CHD1L: variants seen among roughly 807,000 people sequenced by gnomAD.
CHD1L encodes ATP-dependent chromatin remodeler CHD1L.
Under a neutral mutation model 115.9 loss-of-function variants are expected in CHD1L, and 118 were observed. The ratio of observed to expected loss-of-function variants is 1.02; its 90% CI spans 0.88 to 1.19. CHD1L has a LOEUF of 1.19. CHD1L is among the 50% of genes most tolerant of loss of function. The probability of loss-of-function intolerance (pLI) is 0.00; values close to 1 mark genes in which losing one functional copy is unlikely to be tolerated. For missense variants in CHD1L, 1,179 were observed against 1,065.3 expected, an observed-to-expected ratio of 1.11 and a Z score of -1.49; for synonymous variants, 411 against 387.1, an observed-to-expected ratio of 1.06 and a Z score of -0.72.
At chr1:147,181,160 G>T in the CHD1L span, among the ~76,000 whole-genome samples, 11 of 152,190 alleles carry the variant, frequency 7.2e-5, no homozygotes, top group Non-Finnish European at 1.3e-4. Flanking sequence ...TGTAGCTATT[G>T]CCCCCTCAAG....
At chr1:147,245,977 A>T (rs1666486364) in intron 1 of CHD1L, among the ~76,000 whole-genome samples, 1 of 152,236 alleles carries the variant, frequency 6.6e-6, no homozygotes, top group Non-Finnish European at 1.5e-5. Flanking sequence ...ACATTGGTAC[A>T]GTCAAGATCC....
rs201881496 is a variant in CHD1L, at chr1:147,278,382, G to A, written c.1540-1644G>A. Among the ~76,000 whole-genome samples, 82 of 151,582 alleles carry A rather than the reference G, an allele frequency of 5.4e-4. No homozygotes were observed. In the South Asian group the frequency reaches 6.9e-3, roughly 13 times the overall value. On this transcript the variant is annotated intron_variant, in intron 14 of 22. Coordinates refer to ENST00000369258, the MANE Select transcript of CHD1L (RefSeq NM_004284.6). ...TGGGACTACAGGCGCGCACCACCAC[G>A]CCTAGCTAATTTTTGCATTTTTAGT... is the stretch of plus-strand genomic sequence containing the variant.
intron 20 of CHD1L, among the ~76,000 whole-genome samples, chr1:147,291,860 T>G (rs587776141): frequency 1.3e-5 from 2 of 152,242 alleles, no homozygotes; most frequent in African/African-American, 4.8e-5. Flanking sequence ...TTTCCTTTCT[T>G]ATAAGGATAG....
chr1:147,251,948 A>G (rs922853137), intron 1 of CHD1L, among the ~76,000 whole-genome samples: 1 of 152,216 alleles, frequency 6.6e-6, no homozygotes, highest in Non-Finnish European at 1.5e-5. Flanking sequence ...TAAACCAGAT[A>G]GTTATGTTTT....
At chr1:147,275,513 C>A (rs1678043058) in intron 13 of CHD1L, 45 bp downstream of exon 13, 2 of 1,475,016 alleles carry the variant, frequency 1.4e-6, no homozygotes, top group South Asian at 1.1e-5. Context: ...AGCAGCAGTT[C>A]TGGGTTGTGA....
At chr1:147,253,920 G>A (rs367913817) in intron 2 of CHD1L, among the ~76,000 whole-genome samples, 1 of 152,204 alleles carries the variant, frequency 6.6e-6, no homozygotes, top group Non-Finnish European at 1.5e-5. Flanking sequence ...TCCATCAAGA[G>A]AATTTATAAT....
intron 6 of CHD1L, among the ~76,000 whole-genome samples, chr1:147,261,412 T>TTTTA (rs1173271515): frequency 3.7e-4 from 54 of 147,456 alleles, no homozygotes; most frequent in South Asian, 1.1e-3. Context: ...TTTTTTTTTT[T>TTTTA]TATATATAAA....
In CHD1L at chr1:147,264,448, G is replaced by T. The variant is rs782724329; in HGVS notation, c.603G>T (p.Leu201Phe). ...SEFSVVFSLL[L>F]TGTPIQNSLQ... ...TCTCAGTAGTCTTCAGTCTCCTGTT[G>T]ACCGGAACTCCCATCCAGAACAGCC... Residue 201 changes from leucine (L) to phenylalanine (F), a missense_variant, in exon 7 of 23, where the codon TTG becomes TTT. Coordinates refer to ENST00000369258, the MANE Select transcript of CHD1L (RefSeq NM_004284.6). 1 of 1,612,100 alleles carries T rather than the reference G, an allele frequency of 6.2e-7. No homozygotes were observed. The highest frequency in any genetic ancestry group is 1.1e-5 in the South Asian group (1 of 90,664).
chr1:147,232,026 G>A, the CHD1L span, among the ~76,000 whole-genome samples: 25 of 152,262 alleles, frequency 1.6e-4, no homozygotes, highest in East Asian at 3.7e-3. Context: ...CTTCGCTCAT[G>A]CTGGGAGCTG....
the CHD1L span, among the ~76,000 whole-genome samples, chr1:147,194,083 A>G: frequency 2.6e-5 from 4 of 152,080 alleles, no homozygotes; most frequent in Admixed American, 2.0e-4. Flanking sequence ...TGTCTCGTTG[A>G]TCTGTCTAAT....
chr1:147,217,594 G>A, the CHD1L span, among the ~76,000 whole-genome samples: 21 of 152,056 alleles, frequency 1.4e-4, no homozygotes, highest in African/African-American at 4.8e-4. Flanking sequence ...TTCAATCTAG[G>A]AATCCTAAAT....
intron 3 of CHD1L, among the ~76,000 whole-genome samples, 179 bp from the exon 4 acceptor site, chr1:147,255,634 A>G (rs1393873865): frequency 6.6e-6 from 1 of 152,150 alleles, no homozygotes; most frequent in Non-Finnish European, 1.5e-5. Context: ...TTCACATAGG[A>G]ACTCGCTCTG....
chr1:147,272,203 A>G lies in CHD1L; in HGVS notation c.1192A>G (p.Arg398Gly). Reference sequence around the variant, plus strand: ...CTATGAGCGTGTGGATGGTTCTGTGAGAGGAGAAGAGAGACACTTGGCCAT... The same window carrying G: ...CTATGAGCGTGTGGATGGTTCTGTGGGAGGAGAAGAGAGACACTTGGCCAT... ...YSYERVDGSV[R>G]GEERHLAIKN... The change falls in exon 12 of 23, where the codon AGA (arginine) becomes GGA (glycine). Residue 398 changes from arginine (R) to glycine (G), a missense_variant. Arg to Gly is a moderately radical substitution (Grantham distance 125, BLOSUM62 -2). Transcript: ENST00000369258. 6.2e-7 allele frequency: 1 copy of G among 1,614,118 alleles called. No individual in the cohort carries two copies. Among genetic ancestry groups the G allele is most frequent in the Non-Finnish European group, 8.5e-7 (1 of 1,179,992 alleles).
At chr1:147,220,071 C>A in the CHD1L span, among the ~76,000 whole-genome samples, 4 of 152,180 alleles carry the variant, frequency 2.6e-5, no homozygotes, top group South Asian at 8.3e-4. Flanking sequence ...ATCTCCTGAC[C>A]TCGTGATCCA....
At chr1:147,229,717 T>C in the CHD1L span, among the ~76,000 whole-genome samples, 2 of 152,170 alleles carry the variant, frequency 1.3e-5, no homozygotes, top group African/African-American at 4.8e-5. Flanking sequence ...CTTGAGGAGG[T>C]ACTTCACATC....
At chr1:147,223,698 G>T in the CHD1L span, 1 of 192,094 alleles carries the variant, frequency 5.2e-6, no homozygotes, top group South Asian at 9.5e-5. Flanking sequence ...CAGCCCCAAA[G>T]AGACCTCACC....
intron 19 of CHD1L, among the ~76,000 whole-genome samples, chr1:147,289,110 T>A (rs1553968357): frequency 6.6e-6 from 1 of 152,162 alleles, no homozygotes; most frequent in Non-Finnish European, 1.5e-5. Context: ...AAGGGTTTAA[T>A]GTGTGTTGAA....
At chr1:147,276,036 A>G in intron 13 of CHD1L, 68 bp from the exon 14 acceptor site, 3 of 1,485,104 alleles carry the variant, frequency 2.0e-6, no homozygotes, top group Non-Finnish European at 2.8e-6. Flanking sequence ...AGATGTATTT[A>G]CCTTGCATAC....
chr1:147,242,589 T>C (rs1665030364), upstream of CHD1L: 6 of 1,084,488 alleles, frequency 5.5e-6, no homozygotes, highest in East Asian at 2.0e-4. Flanking sequence ...ACGCGCCCTC[T>C]GGCGGCGCCT....
Sources: gnomAD v4.1 joint callset for allele counts (sites outside exome capture counted in the v4.1 genomes callset) on GRCh38, gnomAD v4.1.1 for gene constraint, MANE v1.5 for transcripts, NCBI Gene and HGNC (gene_info 2026-07-23, HGNC 2026-07-21) for gene names.